PDE4B: variants seen among roughly 807,000 people sequenced by gnomAD.
The protein encoded by PDE4B is phosphodiesterase 4B, also known as 3',5'-cyclic-AMP phosphodiesterase 4B.
PDE4B carries 20 observed loss-of-function variants against 82.2 expected under a neutral mutation model. The observed-to-expected ratio is 0.24, with a 90% CI of 0.17 to 0.35. The LOEUF (loss-of-function observed/expected upper bound fraction) is 0.35, where lower values mean the gene tolerates loss of function less well. Among genes scored for constraint, PDE4B ranks in the 10% least tolerant of loss-of-function variants. PDE4B has a pLI of 1.00. For synonymous variants in PDE4B, 320 were observed against 318.9 expected (o/e 1.00, Z -0.04); for missense variants, 655 against 907.2 (o/e 0.72, Z 3.57).
At chr1:66,278,728 G>A (rs1656070919) in intron 7 of PDE4B, among the ~76,000 whole-genome samples, 1 of 152,194 alleles carries the variant, frequency 6.6e-6, no homozygotes. Flanking sequence ...TTTAGGCATT[G>A]AGTAGCAGCA....
At chr1:66,199,750 A>G (rs992424670) in intron 3 of PDE4B, among the ~76,000 whole-genome samples, 7 of 152,210 alleles carry the variant, frequency 4.6e-5, no homozygotes, top group Non-Finnish European at 8.8e-5. Context: ...TAAAAATTAA[A>G]TTACCAAGAG....
At chr1:65,808,315 G>C (rs1645779984) in intron 1 of PDE4B, among the ~76,000 whole-genome samples, 1 of 151,944 alleles carries the variant, frequency 6.6e-6, no homozygotes, top group African/African-American at 2.4e-5. Context: ...AGCACTACAG[G>C]CATGCACCAC....
chr1:65,991,082 ATTT>A (rs3030069), intron 3 of PDE4B, among the ~76,000 whole-genome samples: 266 of 147,074 alleles, frequency 1.8e-3, no homozygotes, highest in Middle Eastern at 3.4e-3. Flanking sequence ...CAGATGAATG[ATTT>A]TTTTTTTTTT....
At chr1:66,212,149 A>G (rs138472775) in intron 3 of PDE4B, among the ~76,000 whole-genome samples, 1 of 152,238 alleles carries the variant, frequency 6.6e-6, no homozygotes, top group Admixed American at 6.5e-5. Flanking sequence ...GCCACTGGGA[A>G]ACTTTCTCTT....
At chr1:65,985,553 T>G (rs1434018093) in intron 3 of PDE4B, among the ~76,000 whole-genome samples, 1 of 152,208 alleles carries the variant, frequency 6.6e-6, no homozygotes, top group Non-Finnish European at 1.5e-5. Context: ...CTTAATATTT[T>G]ATTCATTTGA....
At chr1:65,966,496 C>A (rs1649838645) in intron 3 of PDE4B, among the ~76,000 whole-genome samples, 2 of 152,284 alleles carry the variant, frequency 1.3e-5, no homozygotes, top group African/African-American at 2.4e-5. Context: ...AGATTCAATG[C>A]TATTCCCATC....
intron 3 of PDE4B, among the ~76,000 whole-genome samples, chr1:66,047,194 G>T (rs937176618): frequency 6.6e-6 from 1 of 151,750 alleles, no homozygotes; most frequent in Admixed American, 6.6e-5. Flanking sequence ...AGGGATTAAT[G>T]CAGGAACCAT....
chr1:65,868,854 A>G (rs1937460), intron 1 of PDE4B, among the ~76,000 whole-genome samples: 67,225 of 152,078 alleles, frequency 0.44, 15,573 homozygotes, highest in South Asian at 0.64. Context: ...TAGGTTGCAC[A>G]CTTTTTATGA....
chr1:66,237,513 A>C (rs1441792183), intron 3 of PDE4B, among the ~76,000 whole-genome samples: 4 of 152,156 alleles, frequency 2.6e-5, no homozygotes, highest in African/African-American at 9.7e-5. Flanking sequence ...TGTGCACCTC[A>C]ACACCTCCCT....
chr1:65,801,143 A>G (rs1645690290), intron 1 of PDE4B, among the ~76,000 whole-genome samples: 1 of 151,998 alleles, frequency 6.6e-6, no homozygotes, highest in Non-Finnish European at 1.5e-5. Context: ...ACCCCTTCTT[A>G]CTCCATAGAG....
chr1:65,800,778 G>A (rs1056043973), intron 1 of PDE4B, among the ~76,000 whole-genome samples: 4 of 152,200 alleles, frequency 2.6e-5, no homozygotes, highest in African/African-American at 9.6e-5. Flanking sequence ...AATAGTAAGA[G>A]TGGTCACGGT....
intron 1 of PDE4B, among the ~76,000 whole-genome samples, chr1:65,840,695 C>G (rs1571000674): frequency 1.3e-5 from 2 of 152,156 alleles, no homozygotes; most frequent in South Asian, 4.1e-4. Context: ...GTGCTGGGCA[C>G]TGGATGAATT....
intron 3 of PDE4B, among the ~76,000 whole-genome samples, chr1:66,072,141 A>G (rs972038658): frequency 6.6e-6 from 1 of 152,090 alleles, no homozygotes; most frequent in African/African-American, 2.4e-5. Flanking sequence ...CTTTAAGCCA[A>G]ATCATTCACT....
intron 3 of PDE4B, among the ~76,000 whole-genome samples, chr1:66,146,305 T>C (rs1047776905): frequency 2.1e-5 from 3 of 144,638 alleles, no homozygotes; most frequent in Non-Finnish European, 4.5e-5. Flanking sequence ...TGCCTCAGCC[T>C]CCCGAGTAGC....
chr1:66,206,734 G>C (rs754984297), intron 3 of PDE4B, among the ~76,000 whole-genome samples: 17 of 152,140 alleles, frequency 1.1e-4, no homozygotes, highest in African/African-American at 4.1e-4. Flanking sequence ...TTGAGTGGAC[G>C]TGGGCAGCCA....
intron 3 of PDE4B, among the ~76,000 whole-genome samples, chr1:66,035,237 G>A (rs1654000719): frequency 6.6e-6 from 1 of 151,640 alleles, no homozygotes. Flanking sequence ...GGTATAATGT[G>A]ATGTTTTGAC....
intron 3 of PDE4B, among the ~76,000 whole-genome samples, chr1:65,935,268 G>A (rs542631688): frequency 4.0e-5 from 6 of 151,748 alleles, no homozygotes; most frequent in South Asian, 2.1e-4. Flanking sequence ...AGTATTCTTC[G>A]CTTAATGGGT....
At chr1:65,935,981 G>A (rs996416188) in intron 3 of PDE4B, among the ~76,000 whole-genome samples, 3 of 151,826 alleles carry the variant, frequency 2.0e-5, no homozygotes, top group Non-Finnish European at 2.9e-5. Flanking sequence ...ACAAAAACAC[G>A]TTGTATAGCT....
chr1:65,793,633 G>T (rs181215566), intron 1 of PDE4B, among the ~76,000 whole-genome samples: 1 of 152,204 alleles, frequency 6.6e-6, no homozygotes, highest in South Asian at 2.1e-4. Context: ...AGCGGGCGCG[G>T]AAGGGAACCT....
Sources: allele counts gnomAD v4.1 joint callset (sites outside exome capture counted in the v4.1 genomes callset), GRCh38; gene constraint gnomAD v4.1.1; transcripts MANE v1.5; gene names NCBI Gene and HGNC (gene_info 2026-07-23, HGNC 2026-07-21).